The following DYDC2 variants were observed in gnomAD, a reference collection of about 807,000 sequenced individuals.
DYDC2 encodes the protein DPY30 domain-containing protein 2.
DYDC2 carries 19 observed loss-of-function variants against 18.7 expected under a neutral mutation model. That is an observed-to-expected ratio of 1.02 (90% CI 0.71 to 1.49). DYDC2 has a LOEUF of 1.49. Among genes scored for constraint, DYDC2 ranks in the 40% most tolerant of loss-of-function variants. DYDC2 has a pLI of 0.00. For synonymous variants in DYDC2, 63 were observed against 67.6 expected (o/e 0.93, Z 0.34); for missense variants, 179 against 205.1 (o/e 0.87, Z 0.78).
chr10:80,356,747 C>T (rs556660589), upstream of DYDC2: 3 of 985,450 alleles, frequency 3.0e-6, no homozygotes, highest in South Asian at 4.7e-5. Flanking sequence ...CCAGGAGCGG[C>T]GTCCCGTTGC....
intron 4 of DYDC2, 88 bp from the exon 5 acceptor site, chr10:80,366,600 T>A (rs1055279736): frequency 6.8e-7 from 1 of 1,464,872 alleles, no homozygotes; most frequent in African/African-American, 1.4e-5. Context: ...GTCTCTGGCA[T>A]GAAAATAGCA....
At position 80,359,716 on chromosome 10, in the gene DYDC2, C is replaced by G. The variant is rs183382059; in HGVS notation, c.-10+1671C>G. ...ACTGCTGGGGGACCCAGCACACCCT[C>G]TGCAGCTGCTGGCCCAGTGCTAAGC... On this transcript the variant is annotated intron_variant, in intron 2 of 4. Coordinates refer to ENST00000256039, the MANE Select transcript of DYDC2 (RefSeq NM_032372.6). Among the ~76,000 whole-genome samples, 37 of 152,290 alleles carry G rather than the reference C, an allele frequency of 2.4e-4. No homozygotes were observed. In the East Asian group the frequency reaches 5.6e-3, roughly 23 times the overall value.
chr10:80,363,325 A>T (rs1262076018), intron 4 of DYDC2, among the ~76,000 whole-genome samples: 1 of 148,676 alleles, frequency 6.7e-6, no homozygotes, highest in East Asian at 2.0e-4. Context: ...TACTGGTTTT[A>T]AAAAAAATCT....
chr10:80,358,171 A>T, intron 2 of DYDC2, 126 bp downstream of exon 2: 2 of 608,578 alleles, frequency 3.3e-6, no homozygotes, highest in Non-Finnish European at 4.1e-6. Flanking sequence ...TGAGGTGAGG[A>T]ATTCAAAACC....
At chr10:80,356,371 T>TAGCC (rs1843367946), upstream of DYDC2, 11 of 985,620 alleles carry the variant, frequency 1.1e-5, no homozygotes, top group African/African-American at 3.5e-5. Context: ...GGGAGACAGC[T>TAGCC]AGCCAGCCAG....
In DYDC2 at chr10:80,356,837, G is replaced by A. The variant is rs1843402974; in HGVS notation, c.-163+12G>A. The A allele has an allele frequency of 1.0e-6, 1 of 985,802 alleles. No homozygotes were observed. Among genetic ancestry groups the A allele is most frequent in the Non-Finnish European group, 1.2e-6 (1 of 830,488 alleles). The allele number at this position is 985,802 out of a possible 1,614,324, so 61.1% of individuals were successfully genotyped here. A position where few individuals can be genotyped will look rare whatever the true frequency, so the allele number is the denominator to read the frequency against. On this transcript the variant is annotated intron_variant, in intron 1 of 4. Transcript: ENST00000256039. ...GGGCGCGCGGATAGGTGAGCAGAGG[G>A]CACGCGGTGGGCAGCGAAGGGGGAA...
chr10:80,351,259 TC>T (rs1413456652), intron 1 of DYDC2, among the ~76,000 whole-genome samples: 1 of 152,142 alleles, frequency 6.6e-6, no homozygotes, highest in African/African-American at 2.4e-5. Flanking sequence ...TTGATTATAA[TC>T]AAAGAAGTGC....
intron 1 of DYDC2, among the ~76,000 whole-genome samples, chr10:80,347,469 T>C (rs1842739060): frequency 6.6e-6 from 1 of 152,108 alleles, no homozygotes; most frequent in Admixed American, 6.6e-5. Context: ...TCCCATTTGT[T>C]TAGGTTTGCT....
At chr10:80,351,487 A>C (rs945131403) in intron 1 of DYDC2, among the ~76,000 whole-genome samples, 7 of 143,768 alleles carry the variant, frequency 4.9e-5, no homozygotes, top group East Asian at 4.1e-4. Flanking sequence ...AAGTCCACCC[A>C]CCCCCACCAC....
chr10:80,360,037 T>C (rs542840998), intron 2 of DYDC2, among the ~76,000 whole-genome samples: 51 of 152,340 alleles, frequency 3.3e-4, no homozygotes, highest in Non-Finnish European at 6.0e-4. Context: ...CTGTCACCTC[T>C]CACCCAGGTG....
intron 2 of DYDC2, among the ~76,000 whole-genome samples, chr10:80,359,638 G>A (rs1320415792): frequency 6.6e-6 from 1 of 152,162 alleles, no homozygotes; most frequent in Non-Finnish European, 1.5e-5. Context: ...GGAGCCCCGT[G>A]GGGAGGCAGT....
upstream of DYDC2, chr10:80,356,774 G>A (rs1230920844): frequency 1.0e-5 from 10 of 985,538 alleles, no homozygotes; most frequent in Non-Finnish European, 1.2e-5. Flanking sequence ...ACGAGAGCTC[G>A]CGCCTCAGGA....
rs150389391 is a variant in DYDC2 at position 80,350,202 on chromosome 10, A to G, written c.-310+5387A>G. Among the ~76,000 whole-genome samples, 16 of 152,362 alleles carry G rather than the reference A, an allele frequency of 1.1e-4. No homozygotes were observed. The East Asian group carries it at 2.9e-3, about 28-fold the overall frequency. On this transcript the variant is annotated intron_variant, in intron 1 of 4. Transcript: ENST00000372197. ...CGCCCTACTACAATACTTAGGATTC[A>G]ATGCACAGTGGATTAGTTCATACCG...
intron 1 of DYDC2, among the ~76,000 whole-genome samples, chr10:80,347,305 T>TTTTTTTTTTTTTTTTTTTTTTTTTTG (rs1360993618): frequency 9.5e-6 from 1 of 105,568 alleles, no homozygotes; most frequent in Non-Finnish European, 1.8e-5. Flanking sequence ...TTTTTTTTTT[T>TTTTTTTTTTTTTTTTTTTTTTTTTTG]GCTATTGAGT....
At chr10:80,346,465 T>TTTTTTTTTTTTTTTTTTTTC (rs1842640523) in intron 1 of DYDC2, among the ~76,000 whole-genome samples, 1 of 132,598 alleles carries the variant, frequency 7.5e-6, no homozygotes, top group African/African-American at 3.0e-5. Flanking sequence ...TTTTTTTTTT[T>TTTTTTTTTTTTTTTTTTTTC]TTTTTTCTTT....
At chr10:80,363,967 T>C (rs1449699117) in intron 4 of DYDC2, among the ~76,000 whole-genome samples, 1 of 152,182 alleles carries the variant, frequency 6.6e-6, no homozygotes, top group African/African-American at 2.4e-5. Context: ...TTTCACAATC[T>C]CCTGAAAAAC....
intron 1 of DYDC2, among the ~76,000 whole-genome samples, chr10:80,347,158 G>A (rs1842698323): frequency 6.6e-6 from 1 of 151,548 alleles, no homozygotes; most frequent in African/African-American, 2.4e-5. Context: ...GCACTTCCCT[G>A]ATGACTAGCG....
upstream of DYDC2, chr10:80,352,300 A>C: frequency 8.7e-7 from 1 of 1,147,114 alleles, no homozygotes; most frequent in Non-Finnish European, 1.2e-6. Context: ...TCTTTGGGTA[A>C]TGTTTTCTCC....
At chr10:80,353,405 G>A (rs1475846424), upstream of DYDC2, among the ~76,000 whole-genome samples, 5 of 151,046 alleles carry the variant, frequency 3.3e-5, no homozygotes, top group South Asian at 2.1e-4. Flanking sequence ...CTCGTGATCC[G>A]CCCACCTCGG....
Sources: allele counts gnomAD v4.1 joint callset (sites outside exome capture counted in the v4.1 genomes callset), GRCh38; gene constraint gnomAD v4.1.1; transcripts MANE v1.5; gene names NCBI Gene and HGNC (gene_info 2026-07-23, HGNC 2026-07-21).